GATA3: variants seen among roughly 807,000 people sequenced by gnomAD.
GATA3 encodes the protein trans-acting T-cell-specific transcription factor GATA-3.
A neutral mutation model predicts 36.0 loss-of-function variants in GATA3; 6 were observed. That is an observed-to-expected ratio of 0.17 (90% CI 0.09 to 0.33). GATA3 has a LOEUF of 0.33. Ranked by LOEUF, GATA3 falls within the 10% of genes least tolerant of loss-of-function variation. The probability of loss-of-function intolerance (pLI) is 1.00; values close to 1 mark genes in which losing one functional copy is unlikely to be tolerated. For missense variants in GATA3, 514 were observed against 610.1 expected (o/e 0.84, Z 1.66); for synonymous variants, 326 against 273.0 (o/e 1.19, Z -1.92).
Position 8,055,992 on chromosome 10 carries a change from C to A in GATA3, c.241+96C>A, listed in dbSNP as rs1832629787. 6.7e-7 allele frequency: 1 copy of A among 1,482,162 alleles called. No homozygotes were observed. The highest frequency in any genetic ancestry group is 2.0e-5 in the Admixed American group (1 of 50,312). 91.8% of individuals were successfully genotyped at this position (1,482,162 alleles called of 1,614,324 possible). A position where few individuals can be genotyped will look rare whatever the true frequency, so the allele number is the denominator to read the frequency against. ...GACCTGAGGGCGGGGAGAGGTCAAG[C>A]GAAAGCCCCCATCTGCCGTTCCTGG... On this transcript the variant is annotated intron_variant, in intron 2 of 5. Coordinates refer to ENST00000379328, the MANE Select transcript of GATA3 (RefSeq NM_001002295.2). The surrounding 1 kb of genome is among the most constrained non-coding windows in gnomAD (Gnocchi z 5.4).
intron 4 of GATA3, among the ~76,000 whole-genome samples, chr10:8,067,188 CG>C (rs1309003000): frequency 5.3e-5 from 8 of 152,082 alleles, no homozygotes; most frequent in African/African-American, 1.9e-4. Flanking sequence ...TAAAGGCAGT[CG>C]GGCAGAGGCA....
chr10:8,073,330 C>G (rs774462832), intron 5 of GATA3, among the ~76,000 whole-genome samples: 3 of 151,970 alleles, frequency 2.0e-5, no homozygotes, highest in Non-Finnish European at 4.4e-5. Context: ...AGGCAGACAG[C>G]CTTAACCACC....
Position 8,055,352 on chromosome 10 carries a change from A to G in GATA3, c.-304A>G. On this transcript the variant is annotated 5_prime_UTR_variant, in exon 2 of 6. Coordinates refer to ENST00000379328, the MANE Select transcript of GATA3 (RefSeq NM_001002295.2). The surrounding 1 kb of genome is among the most constrained non-coding windows in gnomAD (Gnocchi z 5.4). Reference sequence around the variant, plus strand: ...CCCGGTGCAGAGGAGCCTGGCTCGCAGAATTGCAGAGTCGTCGCCCCTTTT... The same window carrying G: ...CCCGGTGCAGAGGAGCCTGGCTCGCGGAATTGCAGAGTCGTCGCCCCTTTT... 1 of 489,334 alleles carries G rather than the reference A, an allele frequency of 2.0e-6. No homozygotes were observed. The highest frequency in any genetic ancestry group is 2.2e-5 in the South Asian group (1 of 44,828). 30.3% of individuals were successfully genotyped at this position (489,334 alleles called of 1,614,324 possible).
chr10:8,057,520 G>A (rs192160714), intron 2 of GATA3, among the ~76,000 whole-genome samples: 35 of 152,250 alleles, frequency 2.3e-4, no homozygotes, highest in East Asian at 1.5e-3. Flanking sequence ...GGTGCATGGG[G>A]CTTACGTTAT....
chr10:8,056,237 G>T (rs1267127712), intron 2 of GATA3, among the ~76,000 whole-genome samples: 1 of 152,152 alleles, frequency 6.6e-6, no homozygotes, highest in Non-Finnish European at 1.5e-5. Context: ...GGGGTGCCCT[G>T]GCTCTGCCTC....
chr10:8,048,093 T>C (rs1277876079), intron 1 of GATA3, among the ~76,000 whole-genome samples: 3 of 152,154 alleles, frequency 2.0e-5, no homozygotes, highest in Non-Finnish European at 4.4e-5. Context: ...CTCCAGCTCC[T>C]AGGCTAATCT....
At chr10:8,069,787 C>A (rs1462536362) in intron 5 of GATA3, among the ~76,000 whole-genome samples, 189 bp downstream of exon 5, 1 of 152,124 alleles carries the variant, frequency 6.6e-6, no homozygotes, top group African/African-American at 2.4e-5. Flanking sequence ...GCCGAGGGGG[C>A]TCACAGCCTG....
rs1588374550 is a variant in GATA3, at chr10:8,055,583, C to T, written c.-73C>T. On this transcript the variant is annotated 5_prime_UTR_variant, in exon 2 of 6. Coordinates refer to ENST00000379328, the MANE Select transcript of GATA3 (RefSeq NM_001002295.2). The surrounding 1 kb of genome is among the most constrained non-coding windows in gnomAD (Gnocchi z 5.4). ...TCCGACGGCAGGAGCCCCCCGACCT[C>T]CCAGGCGGACCGCCCTCCCTCCCCG... 2.0e-6 allele frequency: 3 copies of T among 1,523,494 alleles called. No homozygotes were observed. The highest frequency in any genetic ancestry group is 2.5e-5 in the East Asian group (1 of 40,536). The allele number at this position is 1,523,494 out of a possible 1,614,324, so 94.4% of individuals were successfully genotyped here. A position where few individuals can be genotyped will look rare whatever the true frequency, so the allele number is the denominator to read the frequency against.
chr10:8,046,549 G>A (rs931881560), intron 1 of GATA3, among the ~76,000 whole-genome samples: 3 of 152,180 alleles, frequency 2.0e-5, no homozygotes, highest in African/African-American at 7.2e-5. Flanking sequence ...TGCCGAGAAG[G>A]TAGTGGTAGT....
chr10:8,073,625 A>G, intron 5 of GATA3, 114 bp from the exon 6 acceptor site: 1 of 1,204,638 alleles, frequency 8.3e-7, no homozygotes, highest in South Asian at 1.4e-5. Flanking sequence ...CTGAAATGGA[A>G]ACAGATCCCT....
intron 4 of GATA3, 80 bp from the exon 5 acceptor site, chr10:8,069,393 T>C: frequency 7.2e-7 from 1 of 1,393,442 alleles, no homozygotes; most frequent in South Asian, 1.2e-5. Flanking sequence ...TTTTTTTTTT[T>C]TTCAAGCCTG....
intron 3 of GATA3, among the ~76,000 whole-genome samples, chr10:8,061,817 C>T (rs2131496675): frequency 6.6e-6 from 1 of 152,330 alleles, no homozygotes; most frequent in South Asian, 2.1e-4. Context: ...GGTCCCCCAG[C>T]ACCAGGGTGC....
intron 4 of GATA3, among the ~76,000 whole-genome samples, chr10:8,068,159 T>C (rs1832876281): frequency 1.3e-5 from 2 of 149,068 alleles, no homozygotes; most frequent in Admixed American, 6.6e-5. Context: ...AATTTAAATA[T>C]GTCAAAAAGT....
chr10:8,064,306 TTCTTC>T (rs1353067696), intron 4 of GATA3, among the ~76,000 whole-genome samples, 168 bp downstream of exon 4: 2,870 of 116,212 alleles, frequency 0.025, 85 homozygotes, highest in Admixed American at 0.1. Context: ...TCTTTTCTTC[TTCTTC>T]TTTTTTTTTT....
At chr10:8,066,572 T>G (rs1832847340) in intron 4 of GATA3, among the ~76,000 whole-genome samples, 1 of 152,182 alleles carries the variant, frequency 6.6e-6, no homozygotes, top group African/African-American at 2.4e-5. Context: ...GTTTGATACA[T>G]TTGCAGATTC....
chr10:8,050,398 C>A (rs1055059899), upstream of GATA3: 1 of 152,350 alleles, frequency 6.6e-6, no homozygotes, highest in African/African-American at 2.4e-5. Flanking sequence ...GTACTGGCGC[C>A]GGCCTCGACA....
At chr10:8,051,953 C>T (rs914606184), upstream of GATA3, among the ~76,000 whole-genome samples, 1 of 152,176 alleles carries the variant, frequency 6.6e-6, no homozygotes, top group African/African-American at 2.4e-5. Context: ...GCCCTCCCTC[C>T]TCGGCATCCC....
At chr10:8,048,451 G>A (rs1475284086) in intron 1 of GATA3, among the ~76,000 whole-genome samples, 5 of 152,214 alleles carry the variant, frequency 3.3e-5, no homozygotes, top group Admixed American at 6.5e-5. Context: ...TGGCTGAGCG[G>A]CCCCCTGGGA....
upstream of GATA3, chr10:8,054,507 G>C (rs960583474): frequency 6.6e-6 from 1 of 152,140 alleles, no homozygotes; most frequent in Non-Finnish European, 1.5e-5. This position sits in a 1 kb window ranked among gnomAD's most constrained non-coding sequence, Gnocchi z 4.2. Flanking sequence ...TTTCCGGTCA[G>C]TGGAGGGGCG....
Sources: allele counts gnomAD v4.1 joint callset (sites outside exome capture counted in the v4.1 genomes callset), GRCh38; gene constraint gnomAD v4.1.1; non-coding constraint Gnocchi (gnomAD v3.1); transcripts MANE v1.5; gene names NCBI Gene and HGNC (gene_info 2026-07-23, HGNC 2026-07-21).